The following HSF2BP variants were observed in gnomAD, a reference collection of about 807,000 sequenced individuals.
HSF2BP encodes the protein heat shock transcription factor 2 binding protein, also known as heat shock factor 2-binding protein.
A neutral mutation model predicts 35.0 loss-of-function variants in HSF2BP; 35 were observed. The ratio of observed to expected loss-of-function variants is 1.00; its 90% CI spans 0.76 to 1.32. HSF2BP has a LOEUF of 1.32. Ranked by LOEUF, HSF2BP falls within the 40% of genes most tolerant of loss-of-function variation. The pLI is 0.00. For missense variants in HSF2BP, 326 were observed against 321.7 expected, an observed-to-expected ratio of 1.01 and a Z score of -0.10; for synonymous variants, 114 against 117.4, an observed-to-expected ratio of 0.97 and a Z score of 0.18.
At chr21:43,589,581 G>GA (rs1249487393) in intron 8 of HSF2BP, among the ~76,000 whole-genome samples, 1 of 152,108 alleles carries the variant, frequency 6.6e-6, no homozygotes, top group Non-Finnish European at 1.5e-5. Flanking sequence ...AACAAAGTTG[G>GA]ACGACTTATA....
intron 6 of HSF2BP, among the ~76,000 whole-genome samples, chr21:43,628,376 G>C (rs1450831483): frequency 6.6e-6 from 1 of 152,240 alleles, no homozygotes; most frequent in African/African-American, 2.4e-5. Flanking sequence ...GAAAGCCCAA[G>C]TATTCTAGAC....
At chr21:43,657,909 CGGCCCAGCCCACGCCGTTAGG>C in intron 2 of HSF2BP, 131 bp downstream of exon 2, 1 of 1,449,516 alleles carries the variant, frequency 6.9e-7, no homozygotes, top group East Asian at 2.7e-5. Context: ...CACCCCGCTC[CGGCCCAGCCCACGCCGTTAGG>C]GGAGGAAGTC....
At chr21:43,633,003 T>C (rs1036447837) in intron 5 of HSF2BP, among the ~76,000 whole-genome samples, 1 of 152,200 alleles carries the variant, frequency 6.6e-6, no homozygotes, top group South Asian at 2.1e-4. Context: ...ACTTTTGATC[T>C]TCTTAAACAC....
At chr21:43,475,800 G>A in the HSF2BP span, 3 of 22,908 alleles carry the variant, frequency 1.3e-4, 1 homozygote, top group Non-Finnish European at 2.1e-4. Context: ...GCAGTGAGCC[G>A]AGAGTGTGCC....
At chr21:43,644,943 C>T (rs547402087) in intron 3 of HSF2BP, among the ~76,000 whole-genome samples, 87 of 152,178 alleles carry the variant, frequency 5.7e-4, no homozygotes, top group Non-Finnish European at 1.0e-3. Flanking sequence ...TACTTCCTCT[C>T]CACCGCACTC....
chr21:43,590,989 C>T (rs1386108824), intron 8 of HSF2BP, among the ~76,000 whole-genome samples: 1 of 152,066 alleles, frequency 6.6e-6, no homozygotes, highest in Non-Finnish European at 1.5e-5. Context: ...TAAATATATG[C>T]AACTTATTAC....
At chr21:43,632,119 CCCCA>C (rs2082475762) in intron 5 of HSF2BP, among the ~76,000 whole-genome samples, 2 of 59,828 alleles carry the variant, frequency 3.3e-5, no homozygotes, top group East Asian at 9.0e-4. Flanking sequence ...ACACACGCTC[CCCCA>C]AACACACACA....
chr21:43,631,609 G>T (rs1393180075), intron 5 of HSF2BP, among the ~76,000 whole-genome samples: 2 of 152,002 alleles, frequency 1.3e-5, no homozygotes, highest in Middle Eastern at 3.4e-3. Flanking sequence ...AAACCCTTAG[G>T]GAAAATCCAG....
intron 5 of HSF2BP, among the ~76,000 whole-genome samples, chr21:43,630,726 C>T (rs2146998803): frequency 6.6e-6 from 1 of 152,156 alleles, no homozygotes; most frequent in Non-Finnish European, 1.5e-5. Flanking sequence ...GAAGAATTCA[C>T]TCAAAATGTA....
chr21:43,658,245 C>T lies in HSF2BP; in HGVS notation c.-149G>A, dbSNP rs2082908339. The stretch of plus-strand genomic sequence containing the variant: ...CCCAGAATTTGCGCAGTATTCTCGG[C>T]CTAGAGAGCGAGGAGTGGCCTTGGC... On this transcript the variant is annotated 5_prime_UTR_variant, in exon 2 of 9. Coordinates refer to ENST00000291560, the MANE Select transcript of HSF2BP (RefSeq NM_007031.2). 10 of 934,090 alleles carry T rather than the reference C, an allele frequency of 1.1e-5. No individual in the cohort carries two copies. Among genetic ancestry groups the T allele is most frequent in the Non-Finnish European group, 1.5e-5 (10 of 651,378 alleles). The allele number at this position is 934,090 out of a possible 1,614,324, so 57.9% of individuals were successfully genotyped here.
chr21:43,610,713 A>T (rs1485577014), intron 7 of HSF2BP, among the ~76,000 whole-genome samples: 1 of 152,230 alleles, frequency 6.6e-6, no homozygotes, highest in Admixed American at 6.5e-5. Context: ...AAACACGAAC[A>T]CTGACATGGT....
intron 7 of HSF2BP, among the ~76,000 whole-genome samples, chr21:43,601,310 A>AT (rs989299774): frequency 1.3e-5 from 2 of 151,472 alleles, no homozygotes; most frequent in African/African-American, 2.4e-5. Flanking sequence ...TCAGACTGTG[A>AT]TTTTTTTTTC....
chr21:43,581,959 A>G (rs1439049774), intron 8 of HSF2BP, among the ~76,000 whole-genome samples: 35 of 77,036 alleles, frequency 4.5e-4, no homozygotes, highest in Admixed American at 7.9e-4. Context: ...CTGCTGTGGG[A>G]GATGAGGGCC....
intron 4 of HSF2BP, among the ~76,000 whole-genome samples, chr21:43,643,302 C>G (rs1477422757): frequency 1.3e-5 from 2 of 151,848 alleles, no homozygotes; most frequent in Non-Finnish European, 2.9e-5. Flanking sequence ...TATGGTTTGT[C>G]CCCCTGCAAA....
Position 43,644,383 on chromosome 21 carries a change from C to T in HSF2BP, c.197G>A (p.Arg66Lys), listed in dbSNP as rs1367739045. ...KLKIVEKNLE[R>K]KEQELEQLKM... ...CAGCTGCTCTAATTCTTGCTCTTTC[C>T]TTTCCAGGTCTAGGAGAAAGACATA... Residue 66 changes from arginine to lysine, a missense_variant, in exon 4 of 9, where the codon AGG becomes AAG. Transcript: ENST00000291560. 6.2e-7 allele frequency: 1 copy of T among 1,612,892 alleles called. No homozygotes were observed. The highest frequency in any genetic ancestry group is 2.2e-5 in the East Asian group (1 of 44,880).
intron 3 of HSF2BP, among the ~76,000 whole-genome samples, chr21:43,649,756 A>T (rs1396275138): frequency 6.6e-6 from 1 of 152,244 alleles, no homozygotes; most frequent in Non-Finnish European, 1.5e-5. Flanking sequence ...CTGTAAGACA[A>T]TGAAGATTTA....
intron 3 of HSF2BP, among the ~76,000 whole-genome samples, chr21:43,649,492 T>C (rs1182255513): frequency 6.6e-6 from 1 of 152,062 alleles, no homozygotes. Flanking sequence ...ATGGCTACAC[T>C]AGTTCGCATT....
rs543332367 is a variant in HSF2BP, at chr21:43,625,168, G to A, written c.574+5154C>T. Among the ~76,000 whole-genome samples, 6 of 152,020 alleles carry A rather than the reference G, an allele frequency of 3.9e-5. No homozygotes were observed. The South Asian group carries it at 6.2e-4, about 16-fold the overall frequency. ...TGGTAACAGCTACCCCATTCTTTCCGGGGGCAGAGGGAGAGATAATTTACC... is the reference window on the plus strand; with the variant it reads ...TGGTAACAGCTACCCCATTCTTTCCAGGGGCAGAGGGAGAGATAATTTACC... On this transcript the variant is annotated intron_variant, in intron 6 of 8. Coordinates refer to ENST00000291560, the MANE Select transcript of HSF2BP (RefSeq NM_007031.2).
At chr21:43,576,714 T>C (rs917986335) in intron 8 of HSF2BP, among the ~76,000 whole-genome samples, 4 of 152,236 alleles carry the variant, frequency 2.6e-5, no homozygotes, top group Non-Finnish European at 1.5e-5. Context: ...TCTAAAGGTC[T>C]TAAAACATGC....
Sources: gnomAD v4.1 joint callset for allele counts (sites outside exome capture counted in the v4.1 genomes callset) on GRCh38, gnomAD v4.1.1 for gene constraint, MANE v1.5 for transcripts, NCBI Gene and HGNC (gene_info 2026-07-23, HGNC 2026-07-21) for gene names.